KCNQ5: variants seen among roughly 807,000 people sequenced by gnomAD.
The protein encoded by KCNQ5 is potassium voltage-gated channel subfamily Q member 5, also known as potassium voltage-gated channel subfamily KQT member 5.
In KCNQ5, 30 loss-of-function variants were observed where a neutral mutation model predicts 98.2. That is an observed-to-expected ratio of 0.31 (90% CI 0.23 to 0.41). The LOEUF is 0.41. KCNQ5 is among the 10% of genes least tolerant of loss of function. The pLI, the probability that KCNQ5 is intolerant of heterozygous loss-of-function variation, is 1.00. For missense variants in KCNQ5, 835 were observed against 1,182.5 expected (o/e 0.71, Z 4.31); for synonymous variants, 458 against 449.4 (o/e 1.02, Z -0.24).
intron 3 of KCNQ5, among the ~76,000 whole-genome samples, chr6:73,064,085 A>G (rs1772944262): frequency 6.6e-6 from 1 of 152,186 alleles, no homozygotes; most frequent in Non-Finnish European, 1.5e-5. Context: ...TTGCTAAGTG[A>G]CGTTTCATCT....
intron 1 of KCNQ5, among the ~76,000 whole-genome samples, chr6:72,880,778 T>C (rs1432730370): frequency 6.6e-6 from 1 of 152,222 alleles, no homozygotes; most frequent in East Asian, 1.9e-4. Context: ...TAATTAGCTT[T>C]ACTAGGTTTT....
At chr6:72,675,236 T>C (rs1767350906) in intron 1 of KCNQ5, among the ~76,000 whole-genome samples, 1 of 152,206 alleles carries the variant, frequency 6.6e-6, no homozygotes, top group Non-Finnish European at 1.5e-5. Context: ...CAAAGCTGTC[T>C]TGAGGACACA....
intron 2 of KCNQ5, among the ~76,000 whole-genome samples, chr6:73,031,154 G>A (rs1000597822): frequency 1.3e-5 from 2 of 152,190 alleles, no homozygotes; most frequent in Admixed American, 6.5e-5. Flanking sequence ...GTAACCATTA[G>A]TGAAAAATCC....
intron 1 of KCNQ5, among the ~76,000 whole-genome samples, chr6:72,873,209 CTGAAGCTAAAATAAAA>C (rs1778283012): frequency 6.6e-6 from 1 of 151,918 alleles, no homozygotes. Flanking sequence ...ATTAATATTG[CTGAAGCTAAAATAAAA>C]TGTACCAATT....
intron 1 of KCNQ5, among the ~76,000 whole-genome samples, chr6:72,908,931 A>C (rs922852383): frequency 2.0e-5 from 3 of 152,144 alleles, no homozygotes; most frequent in African/African-American, 7.2e-5. Context: ...CAATGTTCAA[A>C]TTTCTTTTTA....
chr6:72,815,776 A>G (rs1179574847), intron 1 of KCNQ5, among the ~76,000 whole-genome samples: 2 of 152,324 alleles, frequency 1.3e-5, no homozygotes, highest in East Asian at 3.9e-4. Context: ...TAAAATTGAT[A>G]TGACTCATTT....
At chr6:72,810,670 G>A (rs1775195921) in intron 1 of KCNQ5, among the ~76,000 whole-genome samples, 1 of 152,184 alleles carries the variant, frequency 6.6e-6, no homozygotes, top group Non-Finnish European at 1.5e-5. Context: ...CGAGTAAGAG[G>A]AGGGGAAAAG....
chr6:72,949,692 A>G (rs1340448824), intron 1 of KCNQ5, among the ~76,000 whole-genome samples: 1 of 152,160 alleles, frequency 6.6e-6, no homozygotes, highest in African/African-American at 2.4e-5. Flanking sequence ...TTTGCACTGA[A>G]TGAACACATG....
At chr6:72,790,240 T>A (rs1773967781) in intron 1 of KCNQ5, among the ~76,000 whole-genome samples, 1 of 152,196 alleles carries the variant, frequency 6.6e-6, no homozygotes, top group African/African-American at 2.4e-5. Context: ...GCTCCCAAAG[T>A]AGTGAAAGTT....
intron 1 of KCNQ5, among the ~76,000 whole-genome samples, chr6:72,827,078 G>T (rs1174629204): frequency 6.6e-6 from 1 of 152,132 alleles, no homozygotes; most frequent in Non-Finnish European, 1.5e-5. Context: ...TGGCTGAATA[G>T]TATTCCATTG....
At chr6:73,055,435 G>A (rs1378289686) in intron 3 of KCNQ5, 8 of 1,534,286 alleles carry the variant, frequency 5.2e-6, no homozygotes, top group Middle Eastern at 1.7e-4. Flanking sequence ...AGATCTGCAG[G>A]TGCTCCTATG....
chr6:72,753,276 A>G (rs1212860627), intron 1 of KCNQ5, among the ~76,000 whole-genome samples: 1 of 152,028 alleles, frequency 6.6e-6, no homozygotes, highest in Non-Finnish European at 1.5e-5. Flanking sequence ...TGTTATGTGT[A>G]TCATTCCCTT....
At chr6:73,055,213 G>A (rs1772424495) in intron 3 of KCNQ5, 3 of 1,111,938 alleles carry the variant, frequency 2.7e-6, no homozygotes, top group Non-Finnish European at 2.8e-6. Context: ...AGGCGGCAAA[G>A]CAGGCACGGC....
At chr6:73,167,309 C>A (rs1415557572) in intron 10 of KCNQ5, among the ~76,000 whole-genome samples, 2 of 152,222 alleles carry the variant, frequency 1.3e-5, no homozygotes, top group East Asian at 1.9e-4. Flanking sequence ...CATCAGGCAA[C>A]ACACACGTGT....
At chr6:72,950,175 T>G (rs573753740) in intron 1 of KCNQ5, among the ~76,000 whole-genome samples, 1 of 152,348 alleles carries the variant, frequency 6.6e-6, no homozygotes, top group South Asian at 2.1e-4. Flanking sequence ...CTGCTAGAAG[T>G]TTGATCTCTT....
intron 1 of KCNQ5, among the ~76,000 whole-genome samples, chr6:72,740,607 C>A (rs1771082249): frequency 6.6e-6 from 1 of 151,944 alleles, no homozygotes; most frequent in Non-Finnish European, 1.5e-5. Flanking sequence ...TATAGTTGAG[C>A]AATATAGTTG....
chr6:72,647,552 T>A (rs1367938786), intron 1 of KCNQ5, among the ~76,000 whole-genome samples: 1 of 152,142 alleles, frequency 6.6e-6, no homozygotes, highest in Non-Finnish European at 1.5e-5. Flanking sequence ...TCATCTGGCA[T>A]ATGGCCCTGA....
intron 1 of KCNQ5, among the ~76,000 whole-genome samples, chr6:72,803,907 A>G (rs1774806554): frequency 6.6e-6 from 1 of 152,136 alleles, no homozygotes; most frequent in African/African-American, 2.4e-5. Flanking sequence ...CTATAAATAG[A>G]TGCATTTCAG....
intron 5 of KCNQ5, among the ~76,000 whole-genome samples, chr6:73,097,365 A>G (rs984599618): frequency 3.9e-5 from 6 of 152,022 alleles, no homozygotes; most frequent in Non-Finnish European, 8.8e-5. Flanking sequence ...ATCTCATGAG[A>G]TGCAGAAACA....
Sources: gnomAD v4.1 joint callset for allele counts (sites outside exome capture counted in the v4.1 genomes callset) on GRCh38, gnomAD v4.1.1 for gene constraint, MANE v1.5 for transcripts, NCBI Gene and HGNC (gene_info 2026-07-23, HGNC 2026-07-21) for gene names.